Variants in ULK4 observed in about 807,000 individuals in gnomAD.
The protein encoded by ULK4 is unc-51 like kinase 4.
A neutral mutation model predicts 160.6 loss-of-function variants in ULK4; 133 were observed. That is an observed-to-expected ratio of 0.83 (90% CI 0.72 to 0.96). The LOEUF is 0.96. Among genes scored for constraint, ULK4 ranks in the 40% least tolerant of loss-of-function variants. The pLI is 0.00. For synonymous variants in ULK4, 534 were observed against 539.8 expected (o/e 0.99, Z 0.15); for missense variants, 1,580 against 1,499.5 (o/e 1.05, Z -0.89).
At position 41,746,272 on chromosome 3, in the gene ULK4, C is replaced by CAAAAA. The variant is rs34582395; in HGVS notation, c.2321+8084_2321+8088dup. Among the ~76,000 whole-genome samples, 89 of 45,704 alleles carry CAAAAA rather than the reference C, an allele frequency of 1.9e-3. 5 individuals are homozygous for CAAAAA. Among genetic ancestry groups the CAAAAA allele is most frequent in the African/African-American group, 7.0e-3 (66 of 9,396 alleles). 30.0% of individuals were successfully genotyped at this position (45,704 alleles called of 152,430 possible). A position where few individuals can be genotyped will look rare whatever the true frequency, so the allele number is the denominator to read the frequency against. On this transcript the variant is annotated intron_variant, in intron 22 of 36. Coordinates refer to ENST00000301831, the MANE Select transcript of ULK4 (RefSeq NM_017886.4). ...TATATAGAAAATCTCCTGGAACCCA[C>CAAAAA]AAAAAAAAAAAAAAAAAAAAAAAAC... is the stretch of plus-strand genomic sequence containing the variant.
At chr3:41,686,748 G>A (rs1488875284) in intron 27 of ULK4, among the ~76,000 whole-genome samples, 3 of 152,180 alleles carry the variant, frequency 2.0e-5, no homozygotes, top group Admixed American at 6.5e-5. Flanking sequence ...GGTACTCAAA[G>A]TGAGGTGGCA....
chr3:41,468,241 C>T (rs371203706), intron 32 of ULK4, among the ~76,000 whole-genome samples: 121 of 152,028 alleles, frequency 8.0e-4, no homozygotes, highest in African/African-American at 2.8e-3. Flanking sequence ...AAGACAACAA[C>T]AACAAAAAAG....
intron 22 of ULK4, among the ~76,000 whole-genome samples, chr3:41,749,851 A>C (rs1173093240): frequency 5.9e-5 from 9 of 152,166 alleles, no homozygotes. Context: ...CATGAGGGGA[A>C]TGAGTGCCTG....
At chr3:41,949,203 G>A (rs1700206371) in intron 2 of ULK4, among the ~76,000 whole-genome samples, 1 of 151,868 alleles carries the variant, frequency 6.6e-6, no homozygotes, top group African/African-American at 2.4e-5. Flanking sequence ...CAGCTACTCG[G>A]GAGGCTGAGG....
At chr3:41,874,099 G>GA (rs572582017) in intron 17 of ULK4, among the ~76,000 whole-genome samples, 365 of 152,048 alleles carry the variant, frequency 2.4e-3, no homozygotes, top group Admixed American at 3.7e-3. Flanking sequence ...ATTTGTTCTT[G>GA]AAAAAAGGTT....
At chr3:41,519,773 C>A (rs1427066152) in intron 32 of ULK4, among the ~76,000 whole-genome samples, 5 of 152,178 alleles carry the variant, frequency 3.3e-5, no homozygotes, top group Admixed American at 3.3e-4. Flanking sequence ...TTTTCAGGGT[C>A]TTCTGACCCT....
chr3:41,393,646 G>C (rs2081999700), intron 35 of ULK4, among the ~76,000 whole-genome samples: 1 of 152,166 alleles, frequency 6.6e-6, no homozygotes, highest in Admixed American at 6.6e-5. Flanking sequence ...AGAGATCCCT[G>C]AGGGCAGGGA....
chr3:41,469,616 A>AAAAAAAAAAAAAAC (rs1559625795), intron 32 of ULK4, among the ~76,000 whole-genome samples: 15 of 148,198 alleles, frequency 1.0e-4, no homozygotes, highest in African/African-American at 3.7e-4. Context: ...AAAAAAAAAA[A>AAAAAAAAAAAAAAC]AAAAAAAAAA....
intron 34 of ULK4, among the ~76,000 whole-genome samples, chr3:41,449,213 C>T (rs1230413989): frequency 1.3e-5 from 2 of 150,412 alleles, no homozygotes; most frequent in Non-Finnish European, 3.0e-5. Flanking sequence ...CCACCATGCC[C>T]GGCCCCAAGT....
chr3:41,935,829 A>AAGGGAG lies in ULK4; in HGVS notation c.349_350insCTCCCT (p.Ile117delinsThrProPhe). Reference sequence around the variant, plus strand: ...CCTAGGAGAAATGTCACAAAAGAGAATGCCAAGTTTATGAAGATGATGTAA... The same window carrying AAGGGAG: ...CCTAGGAGAAATGTCACAAAAGAGAAAGGGAGTGCCAAGTTTATGAAGATGATGTAA... On this transcript the variant is annotated protein_altering_variant, in exon 4 of 37. Coordinates refer to ENST00000301831, the MANE Select transcript of ULK4 (RefSeq NM_017886.4). The AAGGGAG allele has an allele frequency of 6.2e-7, 1 of 1,612,414 alleles. No individual in the cohort carries two copies. Among genetic ancestry groups the AAGGGAG allele is most frequent in the Non-Finnish European group, 8.5e-7 (1 of 1,179,544 alleles).
At chr3:41,521,184 T>G (rs2085919158) in intron 32 of ULK4, among the ~76,000 whole-genome samples, 1 of 152,134 alleles carries the variant, frequency 6.6e-6, no homozygotes, top group Non-Finnish European at 1.5e-5. Context: ...AAACCAACTT[T>G]TAGTGCTGAC....
At chr3:41,705,410 C>T (rs1575588992) in intron 25 of ULK4, 105 bp from the exon 26 acceptor site, 2 of 729,496 alleles carry the variant, frequency 2.7e-6, no homozygotes, top group East Asian at 5.5e-5. Flanking sequence ...TTTTTAATAA[C>T]TCATAGACAG....
In ULK4 at chr3:41,800,211, A is replaced by G. The variant is rs201017774; in HGVS notation, c.1931T>C (p.Ile644Thr). The G allele has an allele frequency of 5.4e-5, 87 of 1,613,912 alleles. No homozygotes were observed. Among genetic ancestry groups the G allele is most frequent in the Non-Finnish European group, 7.2e-5 (85 of 1,179,896 alleles). The change falls in exon 20 of 37, where the codon ATT (isoleucine) becomes ACT (threonine). Residue 644 changes from isoleucine (I) to threonine (T), a missense_variant. Coordinates refer to ENST00000301831, the MANE Select transcript of ULK4 (RefSeq NM_017886.4). ...CAAAATGGGTCCTATTTCTCCTGTAATAAAGCCCTGGGACTGAGCAGAAAA... is the reference window on the plus strand; with the variant it reads ...CAAAATGGGTCCTATTTCTCCTGTAGTAAAGCCCTGGGACTGAGCAGAAAA... ...TTFSAQSQGFITGEIGPILWY... is the reference protein window; with the variant it reads ...TTFSAQSQGFTTGEIGPILWY...
intron 35 of ULK4, among the ~76,000 whole-genome samples, chr3:41,305,482 G>A (rs2079891589): frequency 6.6e-6 from 1 of 152,216 alleles, no homozygotes; most frequent in Non-Finnish European, 1.5e-5. Context: ...TCGGCCTCCC[G>A]AGGTGCCGGG....
chr3:41,847,926 A>C lies in ULK4; in HGVS notation c.1657-11955T>G, dbSNP rs926259317. 2.0e-5 allele frequency among the ~76,000 whole-genome samples: 3 copies of C among 152,252 alleles called. No homozygotes were observed. In the South Asian group the frequency reaches 6.2e-4, roughly 31 times the overall value. On this transcript the variant is annotated intron_variant, in intron 17 of 36. Transcript: ENST00000301831. ...GAAGGCCAATAATGCCAGGGGAGAC[A>C]GATAATGAAACTGAAGAGAATAAAA...
At chr3:41,715,675 C>A in intron 23 of ULK4, 107 bp from the exon 24 acceptor site, 1 of 1,402,508 alleles carries the variant, frequency 7.1e-7, no homozygotes. Flanking sequence ...AATTAATCTC[C>A]AAATAAAATA....
rs373580662 is a variant in ULK4, at chr3:41,566,092, A to C, written c.3159T>G (p.Ser1053Arg). The C allele has an allele frequency of 1.3e-4, 204 of 1,613,802 alleles. No homozygotes were observed. Among genetic ancestry groups the C allele is most frequent in the South Asian group, 1.2e-3 (110 of 91,054 alleles). Residue 1053 changes from serine to arginine, a missense_variant, in exon 32 of 37, where the codon AGT becomes AGG. Transcript: ENST00000301831. The stretch of plus-strand genomic sequence containing the variant: ...CTAGATTGCTGAGTAATGCAATCAC[A>C]CTTTGCATGGTATTACCCAGAATGC... ...QESILGNTMQ[S>R]VIALLSNLVA...
intron 30 of ULK4, among the ~76,000 whole-genome samples, chr3:41,649,827 G>T (rs1489133073): frequency 6.6e-6 from 1 of 152,228 alleles, no homozygotes; most frequent in African/African-American, 2.4e-5. Context: ...TCAAGCCAGG[G>T]ATAGCCTGAA....
At chr3:41,827,114 G>A (rs1283957249) in intron 18 of ULK4, among the ~76,000 whole-genome samples, 15 of 146,606 alleles carry the variant, frequency 1.0e-4, no homozygotes, top group Admixed American at 9.5e-4. Flanking sequence ...AAACCAACGA[G>A]AACAAAGACA....
Sources: gnomAD v4.1 joint callset for allele counts (sites outside exome capture counted in the v4.1 genomes callset) on GRCh38, gnomAD v4.1.1 for gene constraint, MANE v1.5 for transcripts, NCBI Gene and HGNC (gene_info 2026-07-23, HGNC 2026-07-21) for gene names.